The following ATXN7L1 variants were observed in gnomAD, a reference collection of about 807,000 sequenced individuals.
ATXN7L1 encodes ataxin 7 like 1.
ATXN7L1 carries 15 observed loss-of-function variants against 70.8 expected under a neutral mutation model. That is an observed-to-expected ratio of 0.21 (90% CI 0.14 to 0.33). The LOEUF is 0.33. Ranked by LOEUF, ATXN7L1 falls within the 10% of genes least tolerant of loss-of-function variation. The pLI is 1.00. For missense variants in ATXN7L1, 975 were observed against 1,097.1 expected, an observed-to-expected ratio of 0.89 and a Z score of 1.57; for synonymous variants, 440 against 445.1, an observed-to-expected ratio of 0.99 and a Z score of 0.14.
At chr7:105,788,466 C>G in intron 3 of ATXN7L1, 138 bp downstream of exon 3, 2 of 680,226 alleles carry the variant, frequency 2.9e-6, no homozygotes, top group Non-Finnish European at 5.2e-6. Flanking sequence ...CGAGCAGAGG[C>G]AGCAGCCCAG....
At chr7:105,825,071 A>G (rs1461715024) in intron 2 of ATXN7L1, among the ~76,000 whole-genome samples, 1 of 152,260 alleles carries the variant, frequency 6.6e-6, no homozygotes, top group Non-Finnish European at 1.5e-5. Context: ...TCATATTAAG[A>G]GTGACACTAG....
rs11505882 is a variant in ATXN7L1, at chr7:105,792,993, G to C, written c.251-4285C>G. Among the ~76,000 whole-genome samples the C allele has an allele frequency of 1.5e-3, 233 of 152,298 alleles. 2 individuals carry two copies. Among genetic ancestry groups the C allele is most frequent in the Middle Eastern group, 6.8e-3 (2 of 294 alleles). On this transcript the variant is annotated intron_variant, in intron 2 of 11. Coordinates refer to ENST00000419735, the MANE Select transcript of ATXN7L1 (RefSeq NM_020725.2). ...TCAACATCTCCACTTTCCAGGCAAG[G>C]CAACTATAGTAAAGTAATTTGCTTG...
intron 2 of ATXN7L1, among the ~76,000 whole-genome samples, chr7:105,867,092 T>C (rs1393453486): frequency 6.6e-6 from 1 of 152,184 alleles, no homozygotes; most frequent in Non-Finnish European, 1.5e-5. Flanking sequence ...GGCAGGCCCC[T>C]GGGAACCGCC....
intron 2 of ATXN7L1, among the ~76,000 whole-genome samples, chr7:105,823,693 G>C (rs1810470802): frequency 6.6e-6 from 1 of 152,146 alleles, no homozygotes; most frequent in South Asian, 2.1e-4. Flanking sequence ...GTAAAGAAGT[G>C]AAAAAGAGTG....
At chr7:105,761,954 A>T (rs1800616068) in intron 3 of ATXN7L1, among the ~76,000 whole-genome samples, 1 of 152,208 alleles carries the variant, frequency 6.6e-6, no homozygotes, top group Non-Finnish European at 1.5e-5. Flanking sequence ...CCTGGGGATG[A>T]TAGGGGAGAT....
intron 2 of ATXN7L1, among the ~76,000 whole-genome samples, chr7:105,840,819 A>C (rs1813098587): frequency 6.6e-6 from 1 of 152,212 alleles, no homozygotes; most frequent in Non-Finnish European, 1.5e-5. Context: ...TACCTGCCCC[A>C]GCTGGTGTCA....
Position 105,749,577 on chromosome 7 carries a change from T to C in ATXN7L1, c.355+39027A>G, listed in dbSNP as rs910469040. Reference sequence around the variant, plus strand: ...AGGCAGAGGTTGCAGTGAGGTGAGATTGAGCCACTGTCCTCCAGCCTGGGC... The same window carrying C: ...AGGCAGAGGTTGCAGTGAGGTGAGACTGAGCCACTGTCCTCCAGCCTGGGC... On this transcript the variant is annotated intron_variant, in intron 3 of 11. Coordinates refer to ENST00000419735, the MANE Select transcript of ATXN7L1 (RefSeq NM_020725.2). Among the ~76,000 whole-genome samples, 5 of 150,986 alleles carry C rather than the reference T, an allele frequency of 3.3e-5. 1 individual carries two copies. The highest frequency in any genetic ancestry group is 3.9e-4 in the East Asian group (2 of 5,076).
chr7:105,822,848 T>C (rs1810353417), intron 2 of ATXN7L1, among the ~76,000 whole-genome samples: 1 of 152,218 alleles, frequency 6.6e-6, no homozygotes, highest in Non-Finnish European at 1.5e-5. Flanking sequence ...GGGAAACATA[T>C]TAAAACTTCT....
intron 3 of ATXN7L1, among the ~76,000 whole-genome samples, chr7:105,692,432 C>CCTTCCTTCCTT (rs1466998072): frequency 2.1e-4 from 20 of 96,166 alleles, no homozygotes; most frequent in South Asian, 9.2e-4. Flanking sequence ...CTTCCTCCCT[C>CCTTCCTTCCTT]CCTCCCTCCC....
chr7:105,860,369 G>A (rs1816442858), intron 2 of ATXN7L1, among the ~76,000 whole-genome samples: 2 of 151,896 alleles, frequency 1.3e-5, no homozygotes, highest in South Asian at 2.1e-4. Flanking sequence ...GCACCCCAGC[G>A]GTAGCATTTT....
At chr7:105,732,068 G>A (rs1796640082) in intron 3 of ATXN7L1, among the ~76,000 whole-genome samples, 1 of 152,054 alleles carries the variant, frequency 6.6e-6, no homozygotes, top group South Asian at 2.1e-4. Context: ...ACTCCAGCGT[G>A]GGGGACAAAG....
At chr7:105,845,273 A>C (rs1015017980) in intron 2 of ATXN7L1, among the ~76,000 whole-genome samples, 8 of 151,642 alleles carry the variant, frequency 5.3e-5, no homozygotes, top group African/African-American at 1.9e-4. Context: ...ATGGACAATC[A>C]GTAAAATTAG....
Position 105,606,392 on chromosome 7 carries a change from CT to C in ATXN7L1, c.*1459del, listed in dbSNP as rs1792766592. 6.6e-6 allele frequency: 1 copy of C among 152,108 alleles called. No homozygotes were observed. Among genetic ancestry groups the C allele is most frequent in the African/African-American group, 2.4e-5 (1 of 41,426 alleles). 9.4% of individuals were successfully genotyped at this position (152,108 alleles called of 1,614,324 possible). ...GGGGGAACGGGAAAGAAAAGGAAAA[CT>C]TTGGGGTGGGGATGAGGGTTCTGCC... On this transcript the variant is annotated 3_prime_UTR_variant, in exon 12 of 12. Transcript: ENST00000419735.
intron 3 of ATXN7L1, among the ~76,000 whole-genome samples, chr7:105,716,217 T>C (rs953006005): frequency 2.0e-5 from 3 of 152,130 alleles, no homozygotes; most frequent in Non-Finnish European, 2.9e-5. Context: ...TACTTCATTA[T>C]ATAAATTCAT....
chr7:105,720,370 C>T (rs1795047544), intron 3 of ATXN7L1, among the ~76,000 whole-genome samples: 1 of 151,990 alleles, frequency 6.6e-6, no homozygotes, highest in Non-Finnish European at 1.5e-5. Context: ...CCCATCTCTA[C>T]TAAAAAAAAA....
chr7:105,673,348 CTTG>C (rs1804074635), intron 3 of ATXN7L1, among the ~76,000 whole-genome samples: 1 of 152,224 alleles, frequency 6.6e-6, no homozygotes, highest in East Asian at 1.9e-4. Flanking sequence ...TTAGAAAGAA[CTTG>C]TTGAGAATTT....
intron 4 of ATXN7L1, among the ~76,000 whole-genome samples, chr7:105,663,951 G>A (rs1481027893): frequency 6.6e-6 from 1 of 151,954 alleles, no homozygotes; most frequent in Non-Finnish European, 1.5e-5. Flanking sequence ...TATATTTTTA[G>A]TAGAGATGGG....
chr7:105,765,813 C>A (rs187956083), intron 3 of ATXN7L1, among the ~76,000 whole-genome samples: 359 of 152,270 alleles, frequency 2.4e-3, no homozygotes, highest in Middle Eastern at 6.8e-3. Flanking sequence ...CTCAACAGAT[C>A]CTGCTTGGAG....
chr7:105,618,450 G>T (rs1794249754), intron 9 of ATXN7L1, among the ~76,000 whole-genome samples: 1 of 152,130 alleles, frequency 6.6e-6, no homozygotes, highest in African/African-American at 2.4e-5. Context: ...TTAACATTTA[G>T]TACTAAGTCT....
Sources: gnomAD v4.1 joint callset for allele counts (sites outside exome capture counted in the v4.1 genomes callset) on GRCh38, gnomAD v4.1.1 for gene constraint, MANE v1.5 for transcripts, NCBI Gene and HGNC (gene_info 2026-07-23, HGNC 2026-07-21) for gene names.